Variants in HPSE2 observed in about 807,000 individuals in gnomAD.
HPSE2 encodes the protein inactive heparanase-2.
In HPSE2, 38 loss-of-function variants were observed where a neutral mutation model predicts 60.5. The observed-to-expected ratio is 0.63, with a 90% CI of 0.48 to 0.82. The LOEUF is 0.82. Ranked by LOEUF, HPSE2 falls within the 40% of genes least tolerant of loss-of-function variation. The pLI is 0.00. For missense variants in HPSE2, 713 were observed against 740.4 expected, an observed-to-expected ratio of 0.96 and a Z score of 0.43; for synonymous variants, 295 against 293.2, an observed-to-expected ratio of 1.01 and a Z score of -0.06.
At chr10:99,001,128 T>A (rs1956769007) in intron 3 of HPSE2, among the ~76,000 whole-genome samples, 1 of 152,124 alleles carries the variant, frequency 6.6e-6, no homozygotes. Flanking sequence ...TATTGACAAC[T>A]TTACTAATTT....
chr10:98,899,957 A>G (rs1953618668), intron 3 of HPSE2, among the ~76,000 whole-genome samples: 1 of 151,888 alleles, frequency 6.6e-6, no homozygotes, highest in South Asian at 2.1e-4. Context: ...CTAATTTTGT[A>G]TTTTTAGTAG....
chr10:98,501,387 G>C (rs1591277846), intron 9 of HPSE2, among the ~76,000 whole-genome samples: 1 of 152,098 alleles, frequency 6.6e-6, no homozygotes, highest in Non-Finnish European at 1.5e-5. Context: ...ATGTAGGAAT[G>C]GTTTATCATA....
At chr10:99,114,211 C>A (rs1371751896) in intron 3 of HPSE2, among the ~76,000 whole-genome samples, 1 of 152,250 alleles carries the variant, frequency 6.6e-6, no homozygotes, top group Non-Finnish European at 1.5e-5. Context: ...TCTACACCCT[C>A]TCTGGCCCAC....
At chr10:98,730,807 G>C (rs564990389) in intron 4 of HPSE2, among the ~76,000 whole-genome samples, 1 of 152,282 alleles carries the variant, frequency 6.6e-6, no homozygotes, top group South Asian at 2.1e-4. Context: ...AAAACCCATT[G>C]AGGTAGTAAT....
At chr10:99,136,364 G>C (rs142169161) in intron 3 of HPSE2, among the ~76,000 whole-genome samples, 1 of 152,160 alleles carries the variant, frequency 6.6e-6, no homozygotes, top group East Asian at 1.9e-4. Context: ...AACAGAAAAA[G>C]AGGGAATCCT....
At chr10:99,152,736 G>A (rs916386315) in intron 2 of HPSE2, among the ~76,000 whole-genome samples, 1 of 152,150 alleles carries the variant, frequency 6.6e-6, no homozygotes, top group Non-Finnish European at 1.5e-5. Flanking sequence ...AACTGAAAAT[G>A]AGGGGGAGGA....
chr10:98,679,097 T>C (rs1454885073), intron 6 of HPSE2, among the ~76,000 whole-genome samples: 3 of 152,080 alleles, frequency 2.0e-5, no homozygotes, highest in Non-Finnish European at 4.4e-5. Flanking sequence ...GTGAGGGAAG[T>C]CTAAAAGTTG....
chr10:99,062,656 A>G (rs993100945), intron 3 of HPSE2, among the ~76,000 whole-genome samples: 16 of 152,150 alleles, frequency 1.1e-4, no homozygotes, highest in African/African-American at 3.9e-4. Flanking sequence ...TCAGCCAGTA[A>G]TCTGTCCATA....
chr10:98,591,016 G>A (rs1377559369), intron 9 of HPSE2, among the ~76,000 whole-genome samples: 1 of 152,144 alleles, frequency 6.6e-6, no homozygotes, highest in Non-Finnish European at 1.5e-5. Context: ...AACAAGGGAT[G>A]TAAATTACGT....
chr10:98,838,345 A>T (rs973830035), intron 3 of HPSE2, among the ~76,000 whole-genome samples: 7 of 152,220 alleles, frequency 4.6e-5, no homozygotes, highest in Admixed American at 2.0e-4. Context: ...ATTAAATATA[A>T]TAATAATGTA....
chr10:99,069,569 C>T (rs906734352), intron 3 of HPSE2, among the ~76,000 whole-genome samples: 6 of 150,778 alleles, frequency 4.0e-5, no homozygotes, highest in African/African-American at 7.3e-5. Context: ...TTCCCTCTCT[C>T]CTTCCCTCTT....
intron 3 of HPSE2, among the ~76,000 whole-genome samples, chr10:98,845,427 A>G (rs952207843): frequency 2.6e-5 from 4 of 152,206 alleles, no homozygotes; most frequent in African/African-American, 9.7e-5. Flanking sequence ...TCTTTTGAGC[A>G]TTGGATCTAT....
At chr10:98,812,320 A>G (rs555412361) in intron 3 of HPSE2, among the ~76,000 whole-genome samples, 3 of 152,178 alleles carry the variant, frequency 2.0e-5, no homozygotes, top group African/African-American at 7.2e-5. Context: ...AATTGTCCTG[A>G]CTCCTATAAT....
rs778416057 is a variant in HPSE2 at position 98,743,953 on chromosome 10, A to G, written c.714T>C (p.Ser238=). ...LRRNPNNSWN[S]SSALSLLKYS... is the part of the protein sequence containing the mutation. ...ACTTCAACAGACTCAGGGCACTAGA[A>G]CTGTTCCAGGAGTTATTGGGATTAC... The change falls in exon 4 of 12, where the codon AGT becomes AGC. Residue 238 remains serine (S), a synonymous_variant. Coordinates refer to ENST00000370552, the MANE Select transcript of HPSE2 (RefSeq NM_021828.5). 2 of 1,614,110 alleles carry G rather than the reference A, an allele frequency of 1.2e-6. No homozygotes were observed. Among genetic ancestry groups the G allele is most frequent in the Non-Finnish European group, 1.7e-6 (2 of 1,179,956 alleles).
chr10:99,154,057 G>A lies in HPSE2; in HGVS notation c.449-9658C>T, dbSNP rs1846411109. Among the ~76,000 whole-genome samples, 4 of 151,534 alleles carry A rather than the reference G, an allele frequency of 2.6e-5. No individual in the cohort carries two copies. The East Asian group carries it at 7.8e-4, about 29-fold the overall frequency. On this transcript the variant is annotated intron_variant, in intron 2 of 11. Transcript: ENST00000370552. Reference sequence around the variant, plus strand: ...CGAGAAGGGAAGTTTAGAGAAAAAAGAATAAAAAGAAATGAGCAAAGCCTC... The same window carrying A: ...CGAGAAGGGAAGTTTAGAGAAAAAAAAATAAAAAGAAATGAGCAAAGCCTC...
intron 6 of HPSE2, among the ~76,000 whole-genome samples, chr10:98,662,353 T>A (rs1479521464): frequency 6.6e-6 from 1 of 152,188 alleles, no homozygotes; most frequent in Non-Finnish European, 1.5e-5. Context: ...TTCACAAATA[T>A]ATTTAATAAT....
chr10:98,795,066 A>AGGAAGGAG (rs1456543220), intron 3 of HPSE2, among the ~76,000 whole-genome samples: 2 of 113,556 alleles, frequency 1.8e-5, no homozygotes, highest in Non-Finnish European at 4.1e-5. Flanking sequence ...GAAGGAAGGA[A>AGGAAGGAG]AGAAGGAAGG....
intron 3 of HPSE2, among the ~76,000 whole-genome samples, chr10:98,927,350 A>C (rs1312654333): frequency 6.6e-6 from 1 of 152,064 alleles, no homozygotes; most frequent in African/African-American, 2.4e-5. Flanking sequence ...ATACAAACAA[A>C]TGGAAGAACA....
intron 4 of HPSE2, among the ~76,000 whole-genome samples, chr10:98,734,083 A>C (rs1242073937): frequency 6.6e-6 from 1 of 152,180 alleles, no homozygotes; most frequent in Non-Finnish European, 1.5e-5. Context: ...TATTCTGGAC[A>C]TTTCATATAA....
Sources: allele counts gnomAD v4.1 joint callset (sites outside exome capture counted in the v4.1 genomes callset), GRCh38; gene constraint gnomAD v4.1.1; transcripts MANE v1.5; gene names NCBI Gene and HGNC (gene_info 2026-07-23, HGNC 2026-07-21).